Variants in CYB5R4 observed in about 807,000 individuals in gnomAD.
CYB5R4 encodes cytochrome b5 reductase 4.
Under a neutral mutation model 70.2 loss-of-function variants are expected in CYB5R4, and 55 were observed. That is an observed-to-expected ratio of 0.78 (90% CI 0.63 to 0.98). The LOEUF (loss-of-function observed/expected upper bound fraction) is 0.98, where lower values mean the gene tolerates loss of function less well. Ranked by LOEUF, CYB5R4 falls within the 50% of genes least tolerant of loss-of-function variation. The pLI is 0.00. For missense variants in CYB5R4, 562 were observed against 612.6 expected (o/e 0.92, Z 0.87); for synonymous variants, 197 against 199.5 (o/e 0.99, Z 0.11).
At chr6:83,954,274 A>G (rs1032039989) in intron 14 of CYB5R4, among the ~76,000 whole-genome samples, 5 of 152,202 alleles carry the variant, frequency 3.3e-5, no homozygotes, top group African/African-American at 1.2e-4. Context: ...TTCTCAGCGT[A>G]TGAAAAGGAG....
chr6:83,930,783 G>GA (rs34692502), intron 10 of CYB5R4, among the ~76,000 whole-genome samples: 23,089 of 140,784 alleles, frequency 0.16, 3,263 homozygotes, highest in African/African-American at 0.38. Context: ...CTTACTATGT[G>GA]AAAAAAAAAA....
rs905411134 is a variant in CYB5R4 at position 83,961,825 on chromosome 6, A to G, written c.*1947A>G. The G allele has an allele frequency of 9.2e-5, 14 of 151,774 alleles. No homozygotes were observed. The highest frequency in any genetic ancestry group is 3.4e-4 in the African/African-American group (14 of 41,380). The allele number at this position is 151,774 out of a possible 1,614,324, so 9.4% of individuals were successfully genotyped here. ...CCTTTCCCAAGCAACAGAATCTCCT[A>G]TTAGTCGCTATATGTAATGCTTCCT... is the stretch of plus-strand genomic sequence containing the variant. On this transcript the variant is annotated 3_prime_UTR_variant, in exon 16 of 16. Coordinates refer to ENST00000369681, the MANE Select transcript of CYB5R4 (RefSeq NM_016230.4).
At chr6:83,874,982 C>T (rs914486735) in intron 2 of CYB5R4, among the ~76,000 whole-genome samples, 4 of 151,840 alleles carry the variant, frequency 2.6e-5, no homozygotes, top group Non-Finnish European at 5.9e-5. Context: ...ACCACCAAGC[C>T]CAGCTAATTT....
At chr6:83,868,038 A>G (rs941329264) in intron 2 of CYB5R4, among the ~76,000 whole-genome samples, 1 of 152,178 alleles carries the variant, frequency 6.6e-6, no homozygotes, top group African/African-American at 2.4e-5. Flanking sequence ...CAGCTGTTCT[A>G]ATTTAAAATA....
Position 83,914,399 on chromosome 6 carries a change from TCTAAATCA to T in CYB5R4, c.413-13_413-6del. 6.5e-7 allele frequency: 1 copy of T among 1,530,490 alleles called. No individual in the cohort carries two copies. The highest frequency in any genetic ancestry group is 8.9e-7 in the Non-Finnish European group (1 of 1,126,244). The allele number at this position is 1,530,490 out of a possible 1,614,324, so 94.8% of individuals were successfully genotyped here. A position where few individuals can be genotyped will look rare whatever the true frequency, so the allele number is the denominator to read the frequency against. On this transcript the variant is annotated splice_polypyrimidine_tract_variant and intron_variant, in intron 4 of 15. Coordinates refer to ENST00000369681, the MANE Select transcript of CYB5R4 (RefSeq NM_016230.4). ...AAAGTATTCTTATTTGACTTTTTTT[TCTAAATCA>T]CTATACAGACTATCGTGAGGAGGAA...
intron 2 of CYB5R4, among the ~76,000 whole-genome samples, chr6:83,870,303 G>A (rs1200886639): frequency 6.6e-6 from 1 of 152,134 alleles, no homozygotes; most frequent in Admixed American, 6.5e-5. Context: ...CAATTTTATG[G>A]AAATGATTGC....
intron 4 of CYB5R4, among the ~76,000 whole-genome samples, chr6:83,909,574 G>C (rs959213593): frequency 1.3e-5 from 2 of 152,232 alleles, no homozygotes; most frequent in African/African-American, 4.8e-5. Context: ...ATTTAGAGCA[G>C]TTTAAAAGTG....
chr6:83,961,448 C>G lies in CYB5R4; in HGVS notation c.*1570C>G, dbSNP rs930132222. On this transcript the variant is annotated 3_prime_UTR_variant, in exon 16 of 16. Coordinates refer to ENST00000369681, the MANE Select transcript of CYB5R4 (RefSeq NM_016230.4). ...TGATTGGATCATGGGAGTGATTGCCCCCATGCTGTTCTCATGATGGTAAGT... is the reference window on the plus strand; with the variant it reads ...TGATTGGATCATGGGAGTGATTGCCGCCATGCTGTTCTCATGATGGTAAGT... 1.2e-4 allele frequency: 18 copies of G among 151,672 alleles called. No individual in the cohort carries two copies. Among genetic ancestry groups the G allele is most frequent in the African/African-American group, 4.4e-4 (18 of 41,272 alleles). The allele number at this position is 151,672 out of a possible 1,614,324, so 9.4% of individuals were successfully genotyped here. A position where few individuals can be genotyped will look rare whatever the true frequency, so the allele number is the denominator to read the frequency against.
chr6:83,958,316 A>C (rs2129146497), intron 15 of CYB5R4, among the ~76,000 whole-genome samples: 1 of 152,348 alleles, frequency 6.6e-6, no homozygotes, highest in East Asian at 1.9e-4. Flanking sequence ...TGATAACCAA[A>C]GTATGACTCA....
At chr6:83,864,691 GA>G (rs530702369) in intron 2 of CYB5R4, among the ~76,000 whole-genome samples, 5 of 149,804 alleles carry the variant, frequency 3.3e-5, no homozygotes, top group African/African-American at 7.3e-5. Context: ...AATTCTGTTG[GA>G]AAAAAAAAAT....
intron 14 of CYB5R4, among the ~76,000 whole-genome samples, chr6:83,949,183 A>G (rs540203033): frequency 9.3e-5 from 14 of 150,926 alleles, no homozygotes; most frequent in South Asian, 6.3e-4. Context: ...ATGCCTGTGT[A>G]TATGGCTTTG....
At chr6:83,873,185 C>T (rs899095236) in intron 2 of CYB5R4, among the ~76,000 whole-genome samples, 1 of 149,112 alleles carries the variant, frequency 6.7e-6, no homozygotes, top group Non-Finnish European at 1.5e-5. Flanking sequence ...ACTTATAACT[C>T]TTCTCGTGTT....
At chr6:83,897,197 G>T (rs1286714837) in intron 3 of CYB5R4, among the ~76,000 whole-genome samples, 1 of 152,104 alleles carries the variant, frequency 6.6e-6, no homozygotes, top group Non-Finnish European at 1.5e-5. Context: ...TGCTGAGAAT[G>T]ATGGTTTCCA....
intron 1 of CYB5R4, among the ~76,000 whole-genome samples, chr6:83,861,592 C>G (rs1588556002): frequency 6.6e-6 from 1 of 152,162 alleles, no homozygotes; most frequent in East Asian, 1.9e-4. Flanking sequence ...CAAAGATATG[C>G]AAGTTAGGTT....
chr6:83,910,175 A>G, intron 4 of CYB5R4: 4 of 1,568,854 alleles, frequency 2.5e-6, no homozygotes, highest in Non-Finnish European at 3.5e-6. Context: ...CACTGTGAGC[A>G]AGGACAAGAC....
intron 5 of CYB5R4, among the ~76,000 whole-genome samples, chr6:83,915,077 T>G (rs2099465283): frequency 6.6e-6 from 1 of 152,244 alleles, no homozygotes; most frequent in Non-Finnish European, 1.5e-5. Flanking sequence ...CTCCATTGTT[T>G]GCATACACAT....
chr6:83,924,485 G>C lies in CYB5R4; in HGVS notation c.707G>C (p.Ser236Thr). 6.2e-7 allele frequency: 1 copy of C among 1,613,712 alleles called. No individual in the cohort carries two copies. The highest frequency in any genetic ancestry group is 8.5e-7 in the Non-Finnish European group (1 of 1,179,792). Reference protein sequence around the residue: ...QEDFSVRVVESVGKIEIVLQK... With the variant: ...QEDFSVRVVETVGKIEIVLQK... ...TTCTTTTCAGTGCGGGTTGTTGAGA[G>C]TGTGGGAAAAATAGAGATTGTTCTA... Residue 236 changes from serine (S) to threonine (T), a missense_variant, in exon 10 of 16, where the codon AGT becomes ACT. Coordinates refer to ENST00000369681, the MANE Select transcript of CYB5R4 (RefSeq NM_016230.4).
At position 83,870,964 on chromosome 6, in the gene CYB5R4, T is replaced by C. The variant is rs2099457505; in HGVS notation, c.229+6636T>C. 2.0e-5 allele frequency among the ~76,000 whole-genome samples: 3 copies of C among 148,386 alleles called. No homozygotes were observed. The South Asian group carries it at 6.3e-4, about 31-fold the overall frequency. ...TTAGTGGTACATGTCCCTTCTTTCA[T>C]TGTTTGCTTTTTTTTTTTTTTTTTT... On this transcript the variant is annotated intron_variant, in intron 2 of 15. Transcript: ENST00000369681.
At position 83,940,499 on chromosome 6, in the gene CYB5R4, T is replaced by TA; in HGVS notation, c.1260-16_1260-15insA. On this transcript the variant is annotated splice_polypyrimidine_tract_variant and intron_variant, in intron 13 of 15. Transcript: ENST00000369681. ...TAATTAATTAGTTATTTCTGAGTTT[T>TA]TTTTTTTCTCTTAAGGAAAGTGAAG... 1 of 1,560,622 alleles carries TA rather than the reference T, an allele frequency of 6.4e-7. No homozygotes were observed.
Sources: allele counts gnomAD v4.1 joint callset (sites outside exome capture counted in the v4.1 genomes callset), GRCh38; gene constraint gnomAD v4.1.1; transcripts MANE v1.5; gene names NCBI Gene and HGNC (gene_info 2026-07-23, HGNC 2026-07-21).